The following KANSL1L variants were observed in gnomAD, a reference collection of about 807,000 sequenced individuals.
KANSL1L encodes KAT8 regulatory NSL complex subunit 1 like.
KANSL1L carries 25 observed loss-of-function variants against 108.6 expected under a neutral mutation model. The ratio of observed to expected loss-of-function variants is 0.23; its 90% CI spans 0.17 to 0.32. The LOEUF is 0.32. KANSL1L is among the 10% of genes least tolerant of loss of function. The pLI is 1.00. For synonymous variants in KANSL1L, 405 were observed against 395.1 expected (o/e 1.03, Z -0.30); for missense variants, 1,137 against 1,125.7 (o/e 1.01, Z -0.14).
At position 210,154,535 on chromosome 2, in the gene KANSL1L, T is replaced by C; in HGVS notation, c.48A>G (p.Ser16=). 6.3e-7 allele frequency: 1 copy of C among 1,578,176 alleles called. No homozygotes were observed. Among genetic ancestry groups the C allele is most frequent in the Non-Finnish European group, 8.6e-7 (1 of 1,161,538 alleles). Residue 16 remains serine, a synonymous_variant, in exon 2 of 15, where the codon TCA becomes TCG. Transcript: ENST00000281772. ...REATAKGISF[S]SLPSTMESDK... The stretch of plus-strand genomic sequence containing the variant: ...CAGACTCCATGGTACTTGGCAAAGA[T>C]GAAAAGCTGATACCCTTTGCTGTTG...
chr2:210,163,062 A>G (rs561876182), intron 1 of KANSL1L, among the ~76,000 whole-genome samples: 8 of 152,236 alleles, frequency 5.3e-5, no homozygotes, highest in Admixed American at 2.0e-4. Context: ...TTAAAAGCCT[A>G]TTTACTAGAG....
intron 1 of KANSL1L, among the ~76,000 whole-genome samples, chr2:210,158,582 A>G (rs2095345701): frequency 6.6e-6 from 1 of 152,162 alleles, no homozygotes. Flanking sequence ...ATAAATAATG[A>G]ATACACTTGG....
At chr2:210,167,467 G>A (rs78848007) in intron 1 of KANSL1L, among the ~76,000 whole-genome samples, 2,573 of 152,050 alleles carry the variant, frequency 0.017, 79 homozygotes, top group African/African-American at 0.059. Flanking sequence ...ACTTGTAAGT[G>A]CATGACTCAT....
chr2:210,128,354 A>G (rs968832816), intron 3 of KANSL1L, among the ~76,000 whole-genome samples: 1 of 152,242 alleles, frequency 6.6e-6, no homozygotes, highest in Non-Finnish European at 1.5e-5. Flanking sequence ...ACTGGAAGCA[A>G]CCCAAGTGTC....
At chr2:210,097,950 G>A (rs1216442212) in intron 5 of KANSL1L, 136 bp downstream of exon 5, 4 of 510,178 alleles carry the variant, frequency 7.8e-6, no homozygotes, top group Non-Finnish European at 1.4e-5. Context: ...TGCATCCATG[G>A]TATATTGATT....
chr2:210,053,061 C>T (rs1309735148), intron 6 of KANSL1L, among the ~76,000 whole-genome samples: 1 of 152,168 alleles, frequency 6.6e-6, no homozygotes, highest in African/African-American at 2.4e-5. Context: ...TGCTAACTAA[C>T]CTTATGCTCA....
intron 5 of KANSL1L, chr2:210,096,763 G>A (rs929659625): frequency 1.0e-6 from 1 of 952,952 alleles, no homozygotes; most frequent in Non-Finnish European, 1.2e-6. Flanking sequence ...TTTTATCACT[G>A]ATATGAGGAA....
chr2:210,079,700 G>GTATATATA (rs796956187), intron 5 of KANSL1L: 6 of 75,758 alleles, frequency 7.9e-5, no homozygotes, highest in African/African-American at 3.3e-4. Flanking sequence ...ATGTATGTGT[G>GTATATATA]TATATATATA....
intron 6 of KANSL1L, among the ~76,000 whole-genome samples, chr2:210,056,688 C>CA (rs2094355167): frequency 1.3e-5 from 2 of 152,128 alleles, no homozygotes; most frequent in East Asian, 3.9e-4. Context: ...ACCATGTTGG[C>CA]CAGGCTGCTC....
At chr2:210,042,622 AT>A (rs1321339404) in intron 7 of KANSL1L, among the ~76,000 whole-genome samples, 3 of 152,178 alleles carry the variant, frequency 2.0e-5, no homozygotes, top group African/African-American at 7.2e-5. Context: ...CAGAACAAAG[AT>A]ATCTATTCTC....
At chr2:210,146,851 ATATCT>A (rs2095269599) in intron 2 of KANSL1L, among the ~76,000 whole-genome samples, 1 of 152,198 alleles carries the variant, frequency 6.6e-6, no homozygotes, top group Non-Finnish European at 1.5e-5. Context: ...CTTTATAATA[ATATCT>A]TAATTTTTCC....
intron 2 of KANSL1L, among the ~76,000 whole-genome samples, chr2:210,135,429 C>G (rs2095165141): frequency 6.6e-6 from 1 of 152,186 alleles, no homozygotes; most frequent in South Asian, 2.1e-4. Context: ...TGGGTTTCAG[C>G]TGAGCCCTCA....
chr2:210,162,203 C>T lies in KANSL1L; in HGVS notation c.-29-7592G>A, dbSNP rs1320304213. ...ATTTATTACTGTCTAATATATTACCCCCAAATTTAGTGGTTCAGGTATATA... is the reference window on the plus strand; with the variant it reads ...ATTTATTACTGTCTAATATATTACCTCCAAATTTAGTGGTTCAGGTATATA... On this transcript the variant is annotated intron_variant, in intron 1 of 14. Transcript: ENST00000281772. 2.8e-5 allele frequency among the ~76,000 whole-genome samples: 3 copies of T among 106,672 alleles called. 1 individual carries two copies. The highest frequency in any genetic ancestry group is 1.1e-4 in the African/African-American group (3 of 28,138). 70.0% of individuals were successfully genotyped at this position (106,672 alleles called of 152,430 possible).
At chr2:210,035,049 T>C (rs1237901052) in intron 8 of KANSL1L, 1 of 152,208 alleles carries the variant, frequency 6.6e-6, no homozygotes, top group Admixed American at 6.5e-5. Context: ...GACATTCTCT[T>C]ATGTAGCCAT....
chr2:210,172,429 C>T (rs939223652), upstream of KANSL1L, among the ~76,000 whole-genome samples: 1 of 152,144 alleles, frequency 6.6e-6, no homozygotes. Flanking sequence ...GAATTGCAGT[C>T]ATAACAAAGC....
intron 5 of KANSL1L, among the ~76,000 whole-genome samples, chr2:210,084,086 T>A (rs947611097): frequency 3.3e-5 from 5 of 152,074 alleles, no homozygotes; most frequent in Non-Finnish European, 5.9e-5. Flanking sequence ...TGTGTTGTAG[T>A]ACACTGTAAA....
At chr2:210,095,472 A>G (rs1242114519) in intron 5 of KANSL1L, among the ~76,000 whole-genome samples, 1 of 152,144 alleles carries the variant, frequency 6.6e-6, no homozygotes, top group Non-Finnish European at 1.5e-5. Flanking sequence ...ATACGAAACA[A>G]TAGACCACGT....
chr2:210,119,303 T>C (rs763292280), intron 3 of KANSL1L, among the ~76,000 whole-genome samples: 20 of 151,524 alleles, frequency 1.3e-4, no homozygotes, highest in Non-Finnish European at 2.4e-4. Context: ...GTCTGAAAAA[T>C]AGAGGGGAAG....
At chr2:210,106,586 T>C (rs913377044) in intron 3 of KANSL1L, among the ~76,000 whole-genome samples, 3 of 151,890 alleles carry the variant, frequency 2.0e-5, no homozygotes, top group African/African-American at 7.3e-5. Context: ...CTGGCCAACA[T>C]AGCAAAACCC....
Sources: allele counts gnomAD v4.1 joint callset (sites outside exome capture counted in the v4.1 genomes callset), GRCh38; gene constraint gnomAD v4.1.1; transcripts MANE v1.5; gene names NCBI Gene and HGNC (gene_info 2026-07-23, HGNC 2026-07-21).